TLE3: variants seen among roughly 807,000 people sequenced by gnomAD.
The protein encoded by TLE3 is TLE family member 3, transcriptional corepressor, also known as transducin-like enhancer protein 3.
In TLE3, 14 loss-of-function variants were observed where a neutral mutation model predicts 93.0. The ratio of observed to expected loss-of-function variants is 0.15; its 90% CI spans 0.10 to 0.24. The LOEUF (loss-of-function observed/expected upper bound fraction) is 0.24, where lower values mean the gene tolerates loss of function less well. Ranked by LOEUF, TLE3 falls within the 10% of genes least tolerant of loss-of-function variation. The probability of loss-of-function intolerance (pLI) is 1.00; values close to 1 mark genes in which losing one functional copy is unlikely to be tolerated. For synonymous variants in TLE3, 451 were observed against 425.0 expected (o/e 1.06, Z -0.75); for missense variants, 693 against 1,046.6 (o/e 0.66, Z 4.66).
At chr15:70,086,057 C>T (rs370327807) in intron 4 of TLE3, among the ~76,000 whole-genome samples, 1 of 152,156 alleles carries the variant, frequency 6.6e-6, no homozygotes, top group African/African-American at 2.4e-5. Context: ...TCTGTCTCCC[C>T]TGCTCCTCCT....
At chr15:70,081,612 T>G (rs764808481) in intron 4 of TLE3, among the ~76,000 whole-genome samples, 1 of 152,242 alleles carries the variant, frequency 6.6e-6, no homozygotes, top group African/African-American at 2.4e-5. Context: ...TTCTCCAAGT[T>G]GTTGCATTCA....
At chr15:70,095,738 T>G in intron 2 of TLE3, 97 bp from the exon 3 acceptor site, 1 of 1,426,994 alleles carries the variant, frequency 7.0e-7, no homozygotes, top group Non-Finnish European at 9.4e-7. Context: ...TCCACTTTCC[T>G]GACACCCCCC....
At chr15:70,092,237 C>T (rs1447886379) in intron 4 of TLE3, among the ~76,000 whole-genome samples, 1 of 152,214 alleles carries the variant, frequency 6.6e-6, no homozygotes, top group Admixed American at 6.5e-5. Context: ...AGAACCCTTG[C>T]AAACCTAGGG....
Position 70,060,549 on chromosome 15 carries a change from T to C in TLE3, c.695A>G (p.Lys232Arg). The part of the protein sequence containing the change: ...MEAKKRKAEE[K>R]DSLSRYDSDG... ...ACGTACGTATCGGCTCAAGCTGTCC[T>C]TCTCCTCCGCCTTCCGCTTCTTGGC... Residue 232 changes from lysine (K) to arginine (R), a missense_variant, in exon 9 of 20, where the codon AAG becomes AGG. By Grantham distance (26) the Lys-to-Arg change is conservative. Around this residue, in one of 4 missense-constraint regions of TLE3, gnomAD observed 405 missense variants for 468.9 expected, o/e 0.86. Coordinates refer to ENST00000451782, the MANE Select transcript of TLE3 (RefSeq NM_001105192.3). The C allele has an allele frequency of 6.2e-7, 1 of 1,613,934 alleles. No homozygotes were observed. Among genetic ancestry groups the C allele is most frequent in the Non-Finnish European group, 8.5e-7 (1 of 1,179,846 alleles).
At chr15:70,065,136 C>T (rs2056734853) in intron 7 of TLE3, among the ~76,000 whole-genome samples, 1 of 152,162 alleles carries the variant, frequency 6.6e-6, no homozygotes, top group Non-Finnish European at 1.5e-5. Flanking sequence ...TTCCCTGGAC[C>T]GGCTACCACC....
At chr15:70,096,720 C>A in intron 1 of TLE3, 55 bp downstream of exon 1, 1 of 1,604,516 alleles carries the variant, frequency 6.2e-7, no homozygotes, top group East Asian at 2.2e-5. Flanking sequence ...AGATAAACTG[C>A]CTCGTTTACC....
At position 70,060,579 on chromosome 15, in the gene TLE3, A is replaced by G. The variant is rs759134625; in HGVS notation, c.665T>C (p.Met222Thr). 1.2e-6 allele frequency: 2 copies of G among 1,613,962 alleles called. No homozygotes were observed. The highest frequency in any genetic ancestry group is 1.7e-6 in the Non-Finnish European group (2 of 1,179,874). Residue 222 changes from methionine (M) to threonine (T), a missense_variant, in exon 9 of 20, where the codon ATG (methionine) becomes ACG (threonine). Transcript: ENST00000451782. ...CTCCGCCTTCCGCTTCTTGGCTTCCATGCTGTAGTCCGCAGAGCCCCGGTG... is the reference window on the plus strand; with the variant it reads ...CTCCGCCTTCCGCTTCTTGGCTTCCGTGCTGTAGTCCGCAGAGCCCCGGTG... ...EKHRGSADYSMEAKKRKAEEK... is the reference protein window; with the variant it reads ...EKHRGSADYSTEAKKRKAEEK...
At chr15:70,060,090 G>A (rs142184686) in intron 9 of TLE3, among the ~76,000 whole-genome samples, 211 of 152,324 alleles carry the variant, frequency 1.4e-3, no homozygotes, top group African/African-American at 4.7e-3. Context: ...CTCACGTGCC[G>A]GGGGCATCCC....
At chr15:70,087,029 C>G (rs982537730) in intron 4 of TLE3, among the ~76,000 whole-genome samples, 8 of 152,218 alleles carry the variant, frequency 5.3e-5, no homozygotes, top group Non-Finnish European at 1.2e-4. Context: ...TGTCAGAAAA[C>G]TAAGAAAGCT....
chr15:70,066,483 T>G, intron 6 of TLE3: 1 of 397,764 alleles, frequency 2.5e-6, no homozygotes, highest in Non-Finnish European at 4.5e-6. Flanking sequence ...TCACAAATAA[T>G]TTCTCAATGT....
At position 70,066,089 on chromosome 15, in the gene TLE3, C is replaced by T. The variant is rs866974758; in HGVS notation, c.502G>A (p.Ala168Thr). 6.3e-7 allele frequency: 1 copy of T among 1,594,632 alleles called. No homozygotes were observed. Among genetic ancestry groups the T allele is most frequent in the Admixed American group, 1.7e-5 (1 of 58,472 alleles). ...GCCTGGCTGCCCAGGGCGCCCAGTG[C>T]CAGCAGCCCGGAGCTGCTCCCTGTC... ...PVTGSSSGLLALGALGSQAHL... is the reference protein window; with the variant it reads ...PVTGSSSGLLTLGALGSQAHL... Residue 168 changes from alanine to threonine, a missense_variant, in exon 7 of 20, where the codon GCA becomes ACA. Ala to Thr is a moderately conservative substitution (Grantham distance 58, BLOSUM62 0). Around this residue, in one of 4 missense-constraint regions of TLE3, gnomAD observed 405 missense variants for 468.9 expected, o/e 0.86. Transcript: ENST00000451782.
At chr15:70,095,282 A>C in intron 3 of TLE3, 2 of 1,309,270 alleles carry the variant, frequency 1.5e-6, no homozygotes, top group Non-Finnish European at 2.0e-6. Flanking sequence ...GGCAATGGCA[A>C]TCAGCCCCTG....
chr15:70,080,667 C>G (rs1474916909), intron 4 of TLE3, among the ~76,000 whole-genome samples: 2 of 152,210 alleles, frequency 1.3e-5, no homozygotes, highest in African/African-American at 4.8e-5. Context: ...TGATCATCTC[C>G]TCATTAAAGC....
Position 70,048,362 on chromosome 15 carries a change from T to G in TLE3, c.*1735A>C, listed in dbSNP as rs1183383379. 5 of 152,078 alleles carry G rather than the reference T, an allele frequency of 3.3e-5. No homozygotes were observed. 9.4% of individuals were successfully genotyped at this position (152,078 alleles called of 1,614,324 possible). On this transcript the variant is annotated 3_prime_UTR_variant, in exon 20 of 20. Coordinates refer to ENST00000451782, the MANE Select transcript of TLE3 (RefSeq NM_001105192.3). Reference sequence around the variant, plus strand: ...ATGGACATCTGAGACCCAGAGAGACTCTGGACGCCCCACGCGCCCAGCCTT... The same window carrying G: ...ATGGACATCTGAGACCCAGAGAGACGCTGGACGCCCCACGCGCCCAGCCTT...
intron 13 of TLE3, among the ~76,000 whole-genome samples, chr15:70,057,075 C>G (rs908355111): frequency 6.6e-6 from 1 of 152,204 alleles, no homozygotes; most frequent in African/African-American, 2.4e-5. Flanking sequence ...TATTTATTCA[C>G]CACAATAGAA....
In TLE3 at chr15:70,053,293, G is replaced by A. The variant is rs930771794; in HGVS notation, c.1908C>T (p.Asp636=). The change falls in exon 17 of 20, where the codon GAC becomes GAT. Residue 636 remains aspartate (D), a synonymous_variant. Transcript: ENST00000451782. ...DGTKLWTGGL[D]NTVRSWDLRE... is the part of the protein sequence containing the mutation. Reference sequence around the variant, plus strand: ...GCAGGTCCCAGGAGCGCACCGTGTTGTCCAGGCCCCCTGTCCACAGTTTGG... The same window carrying A: ...GCAGGTCCCAGGAGCGCACCGTGTTATCCAGGCCCCCTGTCCACAGTTTGG... 6.2e-7 allele frequency: 1 copy of A among 1,608,556 alleles called. No individual in the cohort carries two copies. Among genetic ancestry groups the A allele is most frequent in the Non-Finnish European group, 8.5e-7 (1 of 1,177,514 alleles).
At chr15:70,089,186 C>T (rs1452431509) in intron 4 of TLE3, among the ~76,000 whole-genome samples, 1 of 152,212 alleles carries the variant, frequency 6.6e-6, no homozygotes, top group Non-Finnish European at 1.5e-5. Flanking sequence ...CTTTCAGACT[C>T]GCGCCAAGCA....
intron 7 of TLE3, among the ~76,000 whole-genome samples, 184 bp from the exon 8 acceptor site, chr15:70,064,654 G>A (rs1238491522): frequency 6.6e-6 from 1 of 152,154 alleles, no homozygotes; most frequent in African/African-American, 2.4e-5. Flanking sequence ...GGGCCATTAG[G>A]TGGCGTTTCT....
chr15:70,060,867 C>G, intron 8 of TLE3: 1 of 636,892 alleles, frequency 1.6e-6, no homozygotes, highest in Non-Finnish European at 2.8e-6. Flanking sequence ...CTGGGCGCAT[C>G]CCCAATTCTC....
Sources: gnomAD v4.1 joint callset for allele counts (sites outside exome capture counted in the v4.1 genomes callset) on GRCh38, gnomAD v4.1.1 for gene constraint, gnomAD v4.1.1 regional missense constraint, MANE v1.5 for transcripts, NCBI Gene and HGNC (gene_info 2026-07-23, HGNC 2026-07-21) for gene names.